REV1: variants seen among roughly 807,000 people sequenced by gnomAD.
REV1 encodes translesion synthesis protein REV1.
Under a neutral mutation model 137.4 loss-of-function variants are expected in REV1, and 42 were observed. That is an observed-to-expected ratio of 0.31 (90% CI 0.24 to 0.40). The LOEUF (loss-of-function observed/expected upper bound fraction) is 0.40, where lower values mean the gene tolerates loss of function less well. Among genes scored for constraint, REV1 ranks in the 10% least tolerant of loss-of-function variants. REV1 has a pLI of 1.00. For missense variants in REV1, 1,282 were observed against 1,490.1 expected (o/e 0.86, Z 2.30); for synonymous variants, 524 against 519.2 (o/e 1.01, Z -0.12).
rs547548998 is a variant in REV1, at chr2:99,402,651, T to G, written c.3534A>C (p.Thr1178=). The G allele has an allele frequency of 1.2e-6, 2 of 1,613,594 alleles. No homozygotes were observed. The highest frequency in any genetic ancestry group is 2.7e-5 in the African/African-American group (2 of 75,032). The change falls in exon 21 of 23, where the codon ACA becomes ACC. Residue 1178 remains threonine (T), a synonymous_variant. Coordinates refer to ENST00000258428, the MANE Select transcript of REV1 (RefSeq NM_016316.4). ...VKTLLREWIT[T]ISDPMEEDIL... ...AACACAGGCCAAGCCAACCTGAAATTGTAGTTATCCATTCTCTGAGCAAGG... is the reference window on the plus strand; with the variant it reads ...AACACAGGCCAAGCCAACCTGAAATGGTAGTTATCCATTCTCTGAGCAAGG...
intron 4 of REV1, among the ~76,000 whole-genome samples, 158 bp from the exon 5 acceptor site, chr2:99,442,627 C>T (rs534246438): frequency 6.6e-6 from 1 of 152,186 alleles, no homozygotes; most frequent in South Asian, 2.1e-4. Context: ...GGTCCTAATA[C>T]AATATGATCT....
chr2:99,461,077 T>C (rs1684137052), intron 3 of REV1, among the ~76,000 whole-genome samples: 1 of 152,218 alleles, frequency 6.6e-6, no homozygotes, highest in African/African-American at 2.4e-5. Flanking sequence ...TCCACAGAGC[T>C]TGAATTTGTC....
intron 3 of REV1, among the ~76,000 whole-genome samples, chr2:99,452,522 A>G (rs1179151845): frequency 6.6e-6 from 1 of 152,108 alleles, no homozygotes. Context: ...TGCCTACAGA[A>G]CCCATCTCTG....
At chr2:99,476,541 G>A (rs1245318146) in intron 1 of REV1, among the ~76,000 whole-genome samples, 1 of 139,674 alleles carries the variant, frequency 7.2e-6, no homozygotes, top group East Asian at 2.0e-4. Flanking sequence ...GGGTGACAGA[G>A]CAAGAATCTG....
chr2:99,476,431 C>T (rs1451392470), intron 1 of REV1, among the ~76,000 whole-genome samples: 1 of 152,048 alleles, frequency 6.6e-6, no homozygotes, highest in Non-Finnish European at 1.5e-5. Flanking sequence ...TGGCACACGC[C>T]GGTAATCCCA....
intron 5 of REV1, among the ~76,000 whole-genome samples, chr2:99,440,107 G>C (rs1250645807): frequency 6.6e-6 from 1 of 152,152 alleles, no homozygotes. Flanking sequence ...GGTGGTACAA[G>C]GCAATCTGGA....
chr2:99,463,612 T>C (rs192469944), intron 2 of REV1, among the ~76,000 whole-genome samples: 132 of 152,298 alleles, frequency 8.7e-4, no homozygotes, highest in Admixed American at 2.0e-3. Context: ...ATTTGACAAG[T>C]GGTCTCAGAG....
chr2:99,418,430 G>C (rs995247719), intron 12 of REV1, among the ~76,000 whole-genome samples: 1 of 152,096 alleles, frequency 6.6e-6, no homozygotes, highest in African/African-American at 2.4e-5. Context: ...TCAGAAAACT[G>C]TCGCTAGTCC....
intron 14 of REV1, among the ~76,000 whole-genome samples, chr2:99,410,123 G>T (rs1377022086): frequency 6.6e-6 from 1 of 151,910 alleles, no homozygotes; most frequent in Non-Finnish European, 1.5e-5. Context: ...CAATCCTCCT[G>T]CCCCAGCCTC....
chr2:99,461,713 G>C (rs536340576), intron 3 of REV1, among the ~76,000 whole-genome samples: 3 of 152,188 alleles, frequency 2.0e-5, no homozygotes, highest in Admixed American at 1.3e-4. Context: ...ACAGTTCAGC[G>C]AAAGATAAAA....
At chr2:99,426,226 A>G (rs184900221) in intron 9 of REV1, among the ~76,000 whole-genome samples, 172 of 150,980 alleles carry the variant, frequency 1.1e-3, no homozygotes, top group Non-Finnish European at 1.5e-3. Context: ...ACACTCCTGC[A>G]ATCCCAGCTA....
chr2:99,459,380 G>A lies in REV1; in HGVS notation c.181+3116C>T, dbSNP rs137879371. On this transcript the variant is annotated intron_variant, in intron 3 of 22. Coordinates refer to ENST00000258428, the MANE Select transcript of REV1 (RefSeq NM_016316.4). ...TGTGCTATGTCTTACAACTGCATGT[G>A]AATCTACAATTATCTAAAAAAAAAT... Among the ~76,000 whole-genome samples, 84 of 152,112 alleles carry A rather than the reference G, an allele frequency of 5.5e-4. 1 individual carries two copies. The highest frequency in any genetic ancestry group is 1.9e-3 in the African/African-American group (78 of 41,460).
intron 1 of REV1, among the ~76,000 whole-genome samples, chr2:99,481,552 T>C (rs1686609851): frequency 6.6e-6 from 1 of 152,202 alleles, no homozygotes; most frequent in Non-Finnish European, 1.5e-5. Flanking sequence ...CTCACTTCTT[T>C]AGCCAGCATT....
In REV1 at chr2:99,403,030, A is replaced by G. The variant is rs1675700191; in HGVS notation, c.3243T>C (p.Gly1081=). 1 of 1,613,934 alleles carries G rather than the reference A, an allele frequency of 6.2e-7. No homozygotes were observed. The highest frequency in any genetic ancestry group is 1.7e-5 in the Admixed American group (1 of 59,988). Residue 1081 remains glycine (G), a synonymous_variant, in exon 20 of 23, where the codon GGT becomes GGC. Coordinates refer to ENST00000258428, the MANE Select transcript of REV1 (RefSeq NM_016316.4). ...KKRNKKKKTI[G]SPKRIQSPLN... ...AAGGACTCTGAATCCTTTTTGGTGA[A>G]CCAATGGTTTTTTTCTTCTTGTTTC...
chr2:99,434,476 G>T (rs762592721), intron 7 of REV1, 28 bp from the exon 8 acceptor site: 14 of 1,511,040 alleles, frequency 9.3e-6, no homozygotes, highest in Non-Finnish European at 1.3e-5. Flanking sequence ...AATTATTTCT[G>T]TATGTGGTAC....
At chr2:99,430,100 A>C in intron 8 of REV1, 152 bp from the exon 9 acceptor site, 1 of 466,236 alleles carries the variant, frequency 2.1e-6, no homozygotes, top group South Asian at 5.1e-5. Flanking sequence ...TTATCTAATA[A>C]AAGAAAACTC....
At chr2:99,456,562 G>C (rs903816943) in intron 3 of REV1, among the ~76,000 whole-genome samples, 1 of 152,124 alleles carries the variant, frequency 6.6e-6, no homozygotes, top group Non-Finnish European at 1.5e-5. Flanking sequence ...AGGCCCTGAG[G>C]TGTTATCTCT....
At chr2:99,454,550 CAAAAAAAAAAAAAA>C (rs373850478) in intron 3 of REV1, among the ~76,000 whole-genome samples, 41 of 82,348 alleles carry the variant, frequency 5.0e-4, no homozygotes, top group Middle Eastern at 9.3e-3. Flanking sequence ...AACTCCAGCT[CAAAAAAAAAAAAAA>C]AAAAAAAAAA....
chr2:99,463,475 G>GT (rs1181718299), intron 2 of REV1, among the ~76,000 whole-genome samples: 1 of 152,138 alleles, frequency 6.6e-6, no homozygotes, highest in Non-Finnish European at 1.5e-5. Context: ...AGCTGAGATC[G>GT]TGCTATTGCA....
Sources: gnomAD v4.1 joint callset for allele counts (sites outside exome capture counted in the v4.1 genomes callset) on GRCh38, gnomAD v4.1.1 for gene constraint, MANE v1.5 for transcripts, NCBI Gene and HGNC (gene_info 2026-07-23, HGNC 2026-07-21) for gene names.